Variants in TRPC5OS observed in about 807,000 individuals in gnomAD.
TRPC5OS encodes the protein putative uncharacterized protein TRPC5OS.
For missense variants in TRPC5OS, 64 were observed against 79.3 expected, an observed-to-expected ratio of 0.81 and a Z score of 0.73; for synonymous variants, 30 against 29.3, an observed-to-expected ratio of 1.02 and a Z score of -0.08.
intron 1 of TRPC5OS, among the ~76,000 whole-genome samples, chrX:111,885,276 C>T (rs370264470): frequency 5.4e-5 from 6 of 112,130 alleles, no homozygotes; most frequent in African/African-American, 1.9e-4. Context: ...CCTATTTAAC[C>T]CAGTTAGGTC....
chrX:111,891,265 G>C (rs1924791551), intron 1 of TRPC5OS, among the ~76,000 whole-genome samples: 1 of 111,849 alleles, frequency 8.9e-6, no homozygotes, highest in South Asian at 3.7e-4. Context: ...TGGTATTTCT[G>C]TCTTTAGGTC....
intron 1 of TRPC5OS, among the ~76,000 whole-genome samples, chrX:111,889,033 T>C (rs1924675845): frequency 8.9e-6 from 1 of 112,082 alleles, no homozygotes; most frequent in South Asian, 3.7e-4. Flanking sequence ...TTTACAGGAA[T>C]CAATGTAATG....
At chrX:111,884,072 G>A (rs1924357007) in intron 1 of TRPC5OS, among the ~76,000 whole-genome samples, 1 of 112,380 alleles carries the variant, frequency 8.9e-6, no homozygotes, top group Non-Finnish European at 1.9e-5. Context: ...TCAGAGCCTA[G>A]GTAAGGCTTA....
chrX:111,902,114 G>T lies in TRPC5OS; in HGVS notation c.265G>T (p.Ala89Ser). Residue 89 changes from alanine (A) to serine (S), a missense_variant, in exon 4 of 4, where the codon GCT becomes TCT. Transcript: ENST00000635763. ...AGACCTAATATTTGATATAGATCAG[G>T]CTATGTTAGACATGGATAACTTATA... ...DEDLIFDIDQ[A>S]MLDMDNLYED... 1 of 1,153,845 alleles carries T rather than the reference G, an allele frequency of 8.7e-7. No individual in the cohort carries two copies. The highest frequency in any genetic ancestry group is 1.9e-5 in the South Asian group (1 of 52,280).
chrX:111,884,020 C>G (rs1399929936), intron 1 of TRPC5OS, among the ~76,000 whole-genome samples: 1 of 112,265 alleles, frequency 8.9e-6, no homozygotes, highest in Non-Finnish European at 1.9e-5. Flanking sequence ...TGTTAGAGCC[C>G]AGTTAAGGCC....
At chrX:111,881,355 T>C (rs1444641578) in intron 1 of TRPC5OS, among the ~76,000 whole-genome samples, 4 of 109,768 alleles carry the variant, frequency 3.6e-5, no homozygotes, top group African/African-American at 1.3e-4. Context: ...TTCTTGTATT[T>C]TTAGTAGAGA....
rs186020263 is a variant in TRPC5OS, at chrX:111,882,339, A to C, written c.-546+6066A>C. 2.6e-4 allele frequency among the ~76,000 whole-genome samples: 29 copies of C among 112,334 alleles called. 1 individual carries two copies. The highest frequency in any genetic ancestry group is 1.7e-3 in the Admixed American group (18 of 10,646). On this transcript the variant is annotated intron_variant, in intron 1 of 3. Transcript: ENST00000635763. ...CTACAAGCAGTCTGTTTCCTGTTGCAGTATGGTAAGGTAGGGGTCTTGTCT... is the reference window on the plus strand; with the variant it reads ...CTACAAGCAGTCTGTTTCCTGTTGCCGTATGGTAAGGTAGGGGTCTTGTCT...
chrX:111,883,474 G>A (rs1924327905), intron 1 of TRPC5OS, among the ~76,000 whole-genome samples: 1 of 112,459 alleles, frequency 8.9e-6, no homozygotes, highest in African/African-American at 3.2e-5. Flanking sequence ...CTGAGTCAAA[G>A]CCTTAGCCTA....
intron 1 of TRPC5OS, among the ~76,000 whole-genome samples, chrX:111,880,812 T>G (rs1312647412): frequency 8.9e-6 from 1 of 112,558 alleles, no homozygotes; most frequent in Non-Finnish European, 1.9e-5. Context: ...CAAGAATGAC[T>G]ACCTATGCTC....
intron 3 of TRPC5OS, among the ~76,000 whole-genome samples, chrX:111,901,001 A>C (rs1223090374): frequency 9.0e-6 from 1 of 111,607 alleles, no homozygotes; most frequent in Non-Finnish European, 1.9e-5. Flanking sequence ...GCTTTAGATA[A>C]AGTTGGAAGA....
At chrX:111,880,028 G>A (rs950364288) in intron 1 of TRPC5OS, among the ~76,000 whole-genome samples, 4 of 111,202 alleles carry the variant, frequency 3.6e-5, no homozygotes, top group Admixed American at 9.5e-5. Context: ...TGGTGGTGAT[G>A]TTAGGAAAAA....
At chrX:111,886,096 A>G (rs1292712160) in intron 1 of TRPC5OS, among the ~76,000 whole-genome samples, 4 of 111,479 alleles carry the variant, frequency 3.6e-5, no homozygotes, top group African/African-American at 1.3e-4. Flanking sequence ...CCTGGCCAAC[A>G]TGGTGACACC....
In TRPC5OS at chrX:111,902,839, G is replaced by C; in HGVS notation, c.*654G>C. 8.9e-6 allele frequency: 1 copy of C among 111,997 alleles called. No homozygotes were observed. Among genetic ancestry groups the C allele is most frequent in the Non-Finnish European group, 1.9e-5 (1 of 53,117 alleles). 9.2% of individuals were successfully genotyped at this position (111,997 alleles called of 1,213,427 possible). A position where few individuals can be genotyped will look rare whatever the true frequency, so the allele number is the denominator to read the frequency against. ...GGACCAAGAGTTCCAGTGCAGGACT[G>C]TTCTTGCAAATTCTGACCACATTGT... is the stretch of plus-strand genomic sequence containing the variant. On this transcript the variant is annotated 3_prime_UTR_variant, in exon 4 of 4. Transcript: ENST00000635763.
intron 1 of TRPC5OS, among the ~76,000 whole-genome samples, chrX:111,885,939 GA>G (rs1211847318): frequency 2.7e-5 from 3 of 111,606 alleles, no homozygotes; most frequent in African/African-American, 9.8e-5. Flanking sequence ...TTTTAGACTT[GA>G]ACCTAGGTTT....
intron 1 of TRPC5OS, among the ~76,000 whole-genome samples, chrX:111,892,244 C>G (rs1275086196): frequency 2.7e-5 from 3 of 112,338 alleles, no homozygotes; most frequent in Non-Finnish European, 5.6e-5. Flanking sequence ...AAGATGTTTG[C>G]ATAATGCTCT....
intron 1 of TRPC5OS, among the ~76,000 whole-genome samples, chrX:111,894,815 G>C (rs1177285358): frequency 9.0e-6 from 1 of 111,656 alleles, no homozygotes; most frequent in Non-Finnish European, 1.9e-5. Context: ...TTTAACATAT[G>C]TGATTATATC....
chrX:111,901,142 C>G (rs1925321555), intron 3 of TRPC5OS, among the ~76,000 whole-genome samples: 1 of 111,622 alleles, frequency 9.0e-6, no homozygotes, highest in Admixed American at 9.6e-5. Context: ...ACTCCCCAGG[C>G]TGCAGGGCAT....
At chrX:111,888,510 CA>C (rs200585074) in intron 1 of TRPC5OS, among the ~76,000 whole-genome samples, 8,753 of 65,174 alleles carry the variant, frequency 0.13, 1,332 homozygotes, top group African/African-American at 0.41. Flanking sequence ...CCGTCTCTAC[CA>C]AAAAAAAAAA....
intron 1 of TRPC5OS, among the ~76,000 whole-genome samples, chrX:111,893,753 G>C (rs745411312): frequency 1.7e-4 from 19 of 111,955 alleles, no homozygotes; most frequent in Non-Finnish European, 3.6e-4. Context: ...AATTAAAGAT[G>C]CTTCATGGGG....
Sources: gnomAD v4.1 joint callset for allele counts (sites outside exome capture counted in the v4.1 genomes callset) on GRCh38, gnomAD v4.1.1 for gene constraint, MANE v1.5 for transcripts, NCBI Gene and HGNC (gene_info 2026-07-23, HGNC 2026-07-21) for gene names.